ATP8B1: variants seen among roughly 807,000 people sequenced by gnomAD.
ATP8B1 encodes phospholipid-transporting ATPase IC.
In ATP8B1, 80 loss-of-function variants were observed where a neutral mutation model predicts 149.9. The observed-to-expected ratio is 0.53, with a 90% CI of 0.45 to 0.64. ATP8B1 has a LOEUF of 0.64. Among genes scored for constraint, ATP8B1 ranks in the 30% least tolerant of loss-of-function variants. The pLI, the probability that ATP8B1 is intolerant of heterozygous loss-of-function variation, is 0.00. For missense variants in ATP8B1, 1,247 were observed against 1,552.6 expected, an observed-to-expected ratio of 0.80 and a Z score of 3.31; for synonymous variants, 536 against 562.8, an observed-to-expected ratio of 0.95 and a Z score of 0.67.
In ATP8B1 at chr18:57,667,104, C is replaced by G. The variant is rs781052203; in HGVS notation, c.2273G>C (p.Gly758Ala). The change falls in exon 20 of 28, where the codon GGG becomes GCG. Residue 758 changes from glycine to alanine, a missense_variant. By Grantham distance (60) the Gly-to-Ala change is moderately conservative. Coordinates refer to ENST00000648908, the MANE Select transcript of ATP8B1 (RefSeq NM_001374385.1). ...LLTEDTTICY[G>A]EDINSLLHAR... Reference sequence around the variant, plus strand: ...GGCTTTTACTCACTTAATATCCTCCCCATAGCAGATGGTGGTGTCTTCAGT... The same window carrying G: ...GGCTTTTACTCACTTAATATCCTCCGCATAGCAGATGGTGGTGTCTTCAGT... 6.2e-7 allele frequency: 1 copy of G among 1,612,428 alleles called. No homozygotes were observed. The highest frequency in any genetic ancestry group is 1.7e-5 in the Admixed American group (1 of 60,022).
rs115373362 is a variant in ATP8B1 at position 57,783,153 on chromosome 18, G to A, written c.-26+19845C>T. 6.1e-3 allele frequency among the ~76,000 whole-genome samples: 927 copies of A among 152,108 alleles called. 9 individuals carry two copies. The highest frequency in any genetic ancestry group is 0.021 in the African/African-American group (872 of 41,488). ...AAAGATGCACTGGCTGAAGGGAGGC[G>A]GGGACGTTCCTAGAAGTATGATGGG... On this transcript the variant is annotated intron_variant, in intron 1 of 27. Transcript: ENST00000648908.
intron 1 of ATP8B1, among the ~76,000 whole-genome samples, chr18:57,761,782 A>G (rs55742651): frequency 0.45 from 67,831 of 150,024 alleles, 15,595 homozygotes; most frequent in Middle Eastern, 0.51. Context: ...GTGAAACCCC[A>G]TCTCTAAAAA....
intron 26 of ATP8B1, among the ~76,000 whole-genome samples, chr18:57,650,993 A>C (rs1909575149): frequency 6.6e-6 from 1 of 152,224 alleles, no homozygotes; most frequent in Admixed American, 6.5e-5. Context: ...AGCAAAGCAA[A>C]ATTGGGAAGG....
intron 1 of ATP8B1, among the ~76,000 whole-genome samples, chr18:57,764,776 A>C (rs1316130859): frequency 4.6e-5 from 7 of 151,070 alleles, no homozygotes; most frequent in East Asian, 1.9e-4. Flanking sequence ...AAAAAAAAAA[A>C]AAAACAGAAA....
chr18:57,680,572 G>A (rs1173326711), intron 15 of ATP8B1, among the ~76,000 whole-genome samples: 1 of 144,336 alleles, frequency 6.9e-6, no homozygotes, highest in East Asian at 2.2e-4. Context: ...CAATAAGAGT[G>A]AAACTTGGTC....
At chr18:57,768,386 CAAAAAAAA>C (rs145660399) in intron 1 of ATP8B1, among the ~76,000 whole-genome samples, 1 of 68,160 alleles carries the variant, frequency 1.5e-5, no homozygotes, top group African/African-American at 6.2e-5. Context: ...GACCCTGTCT[CAAAAAAAA>C]AAAAAAAAAA....
intron 22 of ATP8B1, among the ~76,000 whole-genome samples, chr18:57,658,929 C>T (rs181179387): frequency 1.2e-4 from 19 of 152,108 alleles, no homozygotes; most frequent in African/African-American, 4.6e-4. Context: ...CTAAGGAGAC[C>T]CCTAAAGTTT....
intron 1 of ATP8B1, among the ~76,000 whole-genome samples, chr18:57,770,131 C>T (rs547719156): frequency 8.9e-4 from 131 of 147,012 alleles, no homozygotes; most frequent in African/African-American, 3.2e-3. Context: ...TGCAGTGGTG[C>T]GATCTCAGCT....
At chr18:57,672,975 AC>A (rs1911351259) in intron 16 of ATP8B1, among the ~76,000 whole-genome samples, 2 of 83,880 alleles carry the variant, frequency 2.4e-5, no homozygotes, top group African/African-American at 4.6e-5. Flanking sequence ...CTACATATAT[AC>A]ACACATATAT....
At chr18:57,664,055 A>G (rs1027581835) in intron 20 of ATP8B1, among the ~76,000 whole-genome samples, 17 of 123,998 alleles carry the variant, frequency 1.4e-4, no homozygotes, top group African/African-American at 4.3e-4. Context: ...ATGAGCCACC[A>G]CGCCTGGCCA....
chr18:57,782,808 T>TTTTTTA (rs2123422406), intron 1 of ATP8B1, among the ~76,000 whole-genome samples: 1 of 53,504 alleles, frequency 1.9e-5, no homozygotes, highest in South Asian at 4.1e-4. Flanking sequence ...TGTCTCTTTT[T>TTTTTTA]TTTTTTTTTT....
intron 3 of ATP8B1, 36 bp from the exon 4 acceptor site, chr18:57,704,704 T>C (rs776122486): frequency 2.7e-5 from 36 of 1,337,892 alleles, no homozygotes; most frequent in East Asian, 2.3e-5. Context: ...TAAATGATGC[T>C]GTATTTATCA....
chr18:57,652,341 T>C, intron 25 of ATP8B1, 143 bp downstream of exon 25: 1 of 1,458,260 alleles, frequency 6.9e-7, no homozygotes, highest in African/African-American at 1.4e-5. Context: ...AAAATGTGCT[T>C]GGTATAAGAG....
intron 1 of ATP8B1, among the ~76,000 whole-genome samples, chr18:57,765,645 G>C (rs1190753956): frequency 2.0e-5 from 3 of 151,242 alleles, no homozygotes; most frequent in Admixed American, 2.0e-4. Context: ...CTCTAGCCTG[G>C]GTGACAGAGT....
chr18:57,782,214 G>A lies in ATP8B1; in HGVS notation c.-26+20784C>T, dbSNP rs188459471. 1.5e-3 allele frequency among the ~76,000 whole-genome samples: 226 copies of A among 152,250 alleles called. 2 individuals carry two copies. The highest frequency in any genetic ancestry group is 5.4e-3 in the African/African-American group (224 of 41,540). ...AAGCCCTGCTGTCTATAGAATTTGC[G>A]AAAATAAGATGAAGCAATAGTTTGC... On this transcript the variant is annotated intron_variant, in intron 1 of 27. Transcript: ENST00000648908.
intron 15 of ATP8B1, among the ~76,000 whole-genome samples, chr18:57,678,301 A>G (rs1911719033): frequency 6.6e-6 from 1 of 152,122 alleles, no homozygotes; most frequent in Non-Finnish European, 1.5e-5. Flanking sequence ...AAAACTTACT[A>G]TTAGGGCAGG....
chr18:57,782,448 TAG>T (rs1189817811), intron 1 of ATP8B1, among the ~76,000 whole-genome samples: 1 of 152,130 alleles, frequency 6.6e-6, no homozygotes, highest in Non-Finnish European at 1.5e-5. Context: ...CTATAAAGAG[TAG>T]ACTCTTACAT....
intron 1 of ATP8B1, among the ~76,000 whole-genome samples, chr18:57,749,280 T>C (rs925021874): frequency 6.6e-6 from 1 of 152,112 alleles, no homozygotes; most frequent in Middle Eastern, 3.2e-3. Flanking sequence ...AGGCAAGTAG[T>C]ACAGAGAATA....
intron 1 of ATP8B1, among the ~76,000 whole-genome samples, chr18:57,732,237 ATATATATGTATATATGTATATAT>A (rs2079785727): frequency 8.4e-5 from 1 of 11,948 alleles, no homozygotes; most frequent in Non-Finnish European, 2.8e-4. Flanking sequence ...ATATATGTGT[ATATATATGTATATATGTATATAT>A]GTGTATATAT....
Sources: gnomAD v4.1 joint callset for allele counts (sites outside exome capture counted in the v4.1 genomes callset) on GRCh38, gnomAD v4.1.1 for gene constraint, MANE v1.5 for transcripts, NCBI Gene and HGNC (gene_info 2026-07-23, HGNC 2026-07-21) for gene names.